The following LCTL variants were observed in gnomAD, a reference collection of about 807,000 sequenced individuals.
The protein encoded by LCTL is lactase like, also known as lactase-like protein.
In LCTL, 76 loss-of-function variants were observed where a neutral mutation model predicts 75.8. The ratio of observed to expected loss-of-function variants is 1.00; its 90% CI spans 0.83 to 1.21. The LOEUF (loss-of-function observed/expected upper bound fraction) is 1.21. Ranked by LOEUF, LCTL falls within the 50% of genes most tolerant of loss-of-function variation. The pLI, the probability that LCTL is intolerant of heterozygous loss-of-function variation, is 0.00. For missense variants in LCTL, 670 were observed against 712.4 expected (o/e 0.94, Z 0.68); for synonymous variants, 271 against 268.8 (o/e 1.01, Z -0.08).
intron 9 of LCTL, 135 bp from the exon 11 acceptor site, chr15:66,552,304 G>T: frequency 1.6e-6 from 1 of 640,232 alleles, no homozygotes; most frequent in Non-Finnish European, 2.7e-6. Flanking sequence ...TTTAGTAGAT[G>T]TCAGATAACA....
At chr15:66,564,323 C>T (rs1301167629) in intron 2 of LCTL, 12 of 480,966 alleles carry the variant, frequency 2.5e-5, no homozygotes, top group African/African-American at 3.9e-5. Context: ...ACTCCCTCCA[C>T]AGGGTGCAAC....
rs1161864316 is a variant in LCTL, at chr15:66,564,842, G to A, written c.119-3C>T. The stretch of plus-strand genomic sequence containing the variant: ...ACTGCCCACGCCCCAGGAGAAGCCT[G>A]CAGGGGGAGACCCGTGCTGGGTCCC... On this transcript the variant is annotated splice_region_variant and splice_polypyrimidine_tract_variant and intron_variant, in intron 1 of 12. Coordinates refer to ENST00000341509, the Ensembl canonical transcript of LCTL. 3.7e-6 allele frequency: 6 copies of A among 1,609,982 alleles called. No homozygotes were observed. Among genetic ancestry groups the A allele is most frequent in the African/African-American group, 1.3e-5 (1 of 74,874 alleles).
chr15:66,548,918 C>G (rs1044085332), intron 12 of LCTL: 3 of 166,370 alleles, frequency 1.8e-5, no homozygotes, highest in African/African-American at 4.8e-5. Flanking sequence ...CAGCCATATT[C>G]CACAGTTCCT....
At position 66,563,896 on chromosome 15, in the gene LCTL, G is replaced by C. The variant is rs372361605; in HGVS notation, c.370+15C>G. On this transcript the variant is annotated intron_variant, in intron 3 of 12. Transcript: ENST00000341509. ...GGGGCCTCACTTGGGTTCAAGAGGG[G>C]CTTCCCTAGCTCACCTCGGATGCCT... 1.2e-6 allele frequency: 2 copies of C among 1,608,896 alleles called. No homozygotes were observed. Among genetic ancestry groups the C allele is most frequent in the African/African-American group, 2.7e-5 (2 of 74,832 alleles).
Position 66,564,878 on chromosome 15 carries a change from A to G in LCTL, c.119-39T>C, listed in dbSNP as rs1479626086. 4 of 1,587,666 alleles carry G rather than the reference A, an allele frequency of 2.5e-6. No individual in the cohort carries two copies. The Admixed American group carries it at 5.2e-5, about 20-fold the overall frequency. ...CCCGTGCTGGGTCCCAGGTGCTCCC[A>G]TGTGTCACCCAGAGCCAGGACTCTG... On this transcript the variant is annotated intron_variant, in intron 1 of 12. Transcript: ENST00000341509.
chr15:66,561,463 T>C, intron 4 of LCTL, 148 bp from the exon 6 acceptor site: 1 of 885,250 alleles, frequency 1.1e-6, no homozygotes, highest in Non-Finnish European at 1.7e-6. Context: ...CTGGATGGAT[T>C]GAATATTTAA....
intron 4 of LCTL, among the ~76,000 whole-genome samples, chr15:66,563,009 T>C (rs1221357493): frequency 1.3e-5 from 2 of 152,228 alleles, no homozygotes; most frequent in African/African-American, 2.4e-5. Context: ...CAGTGTGACC[T>C]CCCTGCCATA....
chr15:66,552,873 A>G, intron 9 of LCTL, 111 bp downstream of exon 10: 3 of 956,626 alleles, frequency 3.1e-6, no homozygotes, highest in Non-Finnish European at 4.4e-6. Flanking sequence ...AAGTATGAGT[A>G]ACTAGGTTTA....
At chr15:66,555,596 CAATT>C (rs1704739795) in intron 8 of LCTL, among the ~76,000 whole-genome samples, 1 of 151,818 alleles carries the variant, frequency 6.6e-6, no homozygotes, top group Non-Finnish European at 1.5e-5. Context: ...AGCACCGTGA[CAATT>C]AATTAGGCAG....
rs536438382 is a variant in LCTL, at chr15:66,553,478, G to T, written c.923-220C>A. Among the ~76,000 whole-genome samples, 4 of 152,284 alleles carry T rather than the reference G, an allele frequency of 2.6e-5. No homozygotes were observed. In the South Asian group the frequency reaches 6.2e-4, roughly 24 times the overall value. On this transcript the variant is annotated intron_variant, in intron 8 of 12. Coordinates refer to ENST00000341509, the Ensembl canonical transcript of LCTL. The stretch of plus-strand genomic sequence containing the variant: ...TGCTTAAAAATAGCATTTTCAGGCC[G>T]GGCGTGGTGGCTCACGCCTATAATC...
exon 10 of LCTL, chr15:66,552,092 A>G (rs764343524): frequency 3.1e-6 from 5 of 1,612,848 alleles, no homozygotes; most frequent in Non-Finnish European, 3.4e-6. Context: ...TTCTCCACTC[A>G]TCACATAATT....
chr15:66,565,552 G>C, upstream of LCTL: 2 of 561,082 alleles, frequency 3.6e-6, no homozygotes, highest in Non-Finnish European at 6.2e-6. Context: ...CCGTGCCTGG[G>C]GAGCTCTGAG....
At chr15:66,564,534 G>T in intron 2 of LCTL, 142 bp downstream of exon 3, 1 of 960,718 alleles carries the variant, frequency 1.0e-6, no homozygotes, top group Non-Finnish European at 1.5e-6. Context: ...GGCTGCACTG[G>T]GGTAGAGGGT....
In LCTL at chr15:66,552,051, A is replaced by G. The variant is rs990716657; in HGVS notation, c.1316T>C (p.Met439Thr). 36 of 1,609,996 alleles carry G rather than the reference A, an allele frequency of 2.2e-5. No individual in the cohort carries two copies. The highest frequency in any genetic ancestry group is 1.7e-4 in the Admixed American group (10 of 59,192). Residue 439 changes from methionine (M) to threonine (T), a missense_variant, in exon 10 of 13, where the codon ATG becomes ACG. Met to Thr is a moderately conservative substitution (Grantham distance 81, BLOSUM62 -1). Coordinates refer to ENST00000341509, the Ensembl canonical transcript of LCTL. ...CTTGGTTTGTGTCTCACCTTTTAGC[A>G]TTTCATTTATGTATCCTTTAAGGTA... is the stretch of plus-strand genomic sequence containing the variant.
intron 11 of LCTL, among the ~76,000 whole-genome samples, chr15:66,550,932 T>C (rs754438167): frequency 5.3e-5 from 8 of 152,170 alleles, no homozygotes; most frequent in African/African-American, 2.4e-5. Context: ...TTGAAGCCAG[T>C]GTGTGTGTAT....
exon 10 of LCTL, chr15:66,552,112 G>A (rs1895621818): frequency 6.2e-7 from 1 of 1,613,030 alleles, no homozygotes; most frequent in Admixed American, 1.7e-5. Flanking sequence ...TGAGTACAGT[G>A]GAATTTTTGA....
chr15:66,551,610 T>C, intron 11 of LCTL, 52 bp downstream of exon 12: 1 of 1,436,138 alleles, frequency 7.0e-7, no homozygotes, highest in South Asian at 1.2e-5. Flanking sequence ...GTGTTCCAGC[T>C]ATCTAGCTCT....
intron 8 of LCTL, among the ~76,000 whole-genome samples, chr15:66,554,920 G>A (rs1203031927): frequency 1.3e-5 from 2 of 152,084 alleles, no homozygotes; most frequent in Non-Finnish European, 2.9e-5. Flanking sequence ...GAGAGAGAGA[G>A]GCCTGACTTT....
chr15:66,561,076 G>A lies in LCTL; in HGVS notation c.635C>T (p.Thr212Met), dbSNP rs7179073. 1.8e-3 allele frequency: 2,835 copies of A among 1,614,162 alleles called. 15 individuals are homozygous for A. In the African/African-American group the frequency reaches 0.019, roughly 11 times the overall value. Reference sequence around the variant, plus strand: ...CTTCAGGCCCGGCGCATGGTGGCCCGTCTCATAGCCTTTTTCTGCCATTGC... The same window carrying A: ...CTTCAGGCCCGGCGCATGGTGGCCCATCTCATAGCCTTTTTCTGCCATTGC... The change falls in exon 6 of 13, where the codon ACG becomes ATG. Residue 212 changes from threonine to methionine, a missense_variant. Physicochemically the swap from Thr to Met is moderately conservative, Grantham distance 81. Transcript: ENST00000341509.
Sources: gnomAD v4.1 joint callset for allele counts (sites outside exome capture counted in the v4.1 genomes callset) on GRCh38, gnomAD v4.1.1 for gene constraint, MANE v1.5 for transcripts, NCBI Gene and HGNC (gene_info 2026-07-23, HGNC 2026-07-21) for gene names.